The following ZNF274 variants were observed in gnomAD, a reference collection of about 807,000 sequenced individuals.
The protein encoded by ZNF274 is zinc finger protein 274, also known as neurotrophin receptor-interacting factor homolog.
A neutral mutation model predicts 42.5 loss-of-function variants in ZNF274; 23 were observed. The ratio of observed to expected loss-of-function variants is 0.54; its 90% CI spans 0.39 to 0.77. The LOEUF (loss-of-function observed/expected upper bound fraction) is 0.77. ZNF274 is among the 30% of genes least tolerant of loss of function. The pLI, the probability that ZNF274 is intolerant of heterozygous loss-of-function variation, is 0.00. For synonymous variants in ZNF274, 292 were observed against 305.4 expected (o/e 0.96, Z 0.46); for missense variants, 679 against 806.5 (o/e 0.84, Z 1.91).
At position 58,212,684 on chromosome 19, in the gene ZNF274, C is replaced by A; in HGVS notation, c.1503C>A (p.His501Gln). Residue 501 changes from histidine (H) to glutamine (Q), a missense_variant, in exon 8 of 8, where the codon CAC becomes CAA. Transcript: ENST00000617501. This position sits in a 1 kb window ranked among gnomAD's most constrained non-coding sequence, Gnocchi z 4.6. The stretch of plus-strand genomic sequence containing the variant: ...AACAGATTACGTTTATAAGAATTCA[C>A]AAGGGGAGCCAAGTTTGCCGATGCA... Reference protein sequence around the residue: ...STKQITFIRIHKGSQVCRCSE... With the variant: ...STKQITFIRIQKGSQVCRCSE... 6.2e-7 allele frequency: 1 copy of A among 1,614,004 alleles called. No homozygotes were observed. The highest frequency in any genetic ancestry group is 2.2e-5 in the East Asian group (1 of 44,888).
chr19:58,185,661 T>G (rs2075688988), intron 2 of ZNF274, 51 bp from the exon 3 acceptor site: 9 of 1,383,508 alleles, frequency 6.5e-6, no homozygotes, highest in Non-Finnish European at 8.5e-6. Flanking sequence ...CTGTCTTTCT[T>G]TTGTCGTGGA....
chr19:58,184,286 G>C (rs1600127115), intron 2 of ZNF274: 1 of 211,706 alleles, frequency 4.7e-6, no homozygotes, highest in Non-Finnish European at 1.0e-5. Context: ...CAGGTCTTTT[G>C]TTTGTTTGTT....
At chr19:58,201,204 G>A (rs1161540687) in intron 4 of ZNF274, among the ~76,000 whole-genome samples, 1 of 145,504 alleles carries the variant, frequency 6.9e-6, no homozygotes, top group Non-Finnish European at 1.5e-5. Context: ...TGGAGATGGG[G>A]TTTTGCCATG....
At chr19:58,186,368 A>G (rs144935009) in intron 3 of ZNF274, among the ~76,000 whole-genome samples, 99 of 151,886 alleles carry the variant, frequency 6.5e-4, no homozygotes, top group African/African-American at 2.3e-3. Context: ...CCTGACCAAC[A>G]TGATGAAACC....
At chr19:58,202,954 G>T (rs547483072) in intron 4 of ZNF274, among the ~76,000 whole-genome samples, 90 of 152,254 alleles carry the variant, frequency 5.9e-4, no homozygotes, top group African/African-American at 2.0e-3. Context: ...TAATAATAAA[G>T]ATTAAAGCAG....
At position 58,211,624 on chromosome 19, in the gene ZNF274, C is replaced by T. The variant is rs748309210; in HGVS notation, c.917C>T (p.Pro306Leu). ...CGGGAGGAGTGGGGGCTGCTGGGCCCGACACAGAGGACCGAGTACCGCGAT... is the reference window on the plus strand; with the variant it reads ...CGGGAGGAGTGGGGGCTGCTGGGCCTGACACAGAGGACCGAGTACCGCGAT... ...FSREEWGLLG[P>L]TQRTEYRDVM... Residue 306 changes from proline (P) to leucine (L), a missense_variant, in exon 7 of 8, where the codon CCG (proline) becomes CTG (leucine). Pro to Leu is a moderately conservative substitution (Grantham distance 98). Transcript: ENST00000617501. The surrounding 1 kb of genome is among the most constrained non-coding windows in gnomAD (Gnocchi z 4.8). The T allele has an allele frequency of 4.4e-5, 71 of 1,613,428 alleles. No individual in the cohort carries two copies. The highest frequency in any genetic ancestry group is 6.7e-5 in the African/African-American group (5 of 74,840).
At chr19:58,190,287 A>G (rs1040927989) in intron 4 of ZNF274, among the ~76,000 whole-genome samples, 6 of 151,668 alleles carry the variant, frequency 4.0e-5, no homozygotes, top group Admixed American at 1.3e-4. Context: ...AGCTGGGACT[A>G]CAGGCATGTG....
At chr19:58,206,616 A>G (rs2075980770) in intron 4 of ZNF274, 104 bp from the exon 5 acceptor site, 16 of 1,347,428 alleles carry the variant, frequency 1.2e-5, no homozygotes, top group Non-Finnish European at 1.6e-5. Context: ...GGTTTGAAGC[A>G]TATTCCACTG....
At chr19:58,204,294 T>C (rs1436392146) in intron 4 of ZNF274, among the ~76,000 whole-genome samples, 1 of 151,994 alleles carries the variant, frequency 6.6e-6, no homozygotes, top group African/African-American at 2.4e-5. Flanking sequence ...CGGAGGCTGC[T>C]GGGAGCTGTA....
chr19:58,188,884 CAA>C (rs11287051), intron 4 of ZNF274, among the ~76,000 whole-genome samples: 24 of 143,372 alleles, frequency 1.7e-4, no homozygotes, highest in African/African-American at 1.5e-4. Flanking sequence ...GACCCTGTCT[CAA>C]AAAAAAAAAA....
At chr19:58,192,764 G>A (rs2146205927) in intron 4 of ZNF274, among the ~76,000 whole-genome samples, 1 of 152,188 alleles carries the variant, frequency 6.6e-6, no homozygotes, top group East Asian at 1.9e-4. Context: ...TTTTTGAGTT[G>A]AGGTCTCACT....
rs529349000 is a variant in ZNF274, at chr19:58,204,913, G to A, written c.257-1807G>A. 1.1e-4 allele frequency among the ~76,000 whole-genome samples: 17 copies of A among 152,308 alleles called. No homozygotes were observed. The South Asian group carries it at 3.3e-3, about 30-fold the overall frequency. ...CTGTAGAGAGAGTCAAAGGCAGGTA[G>A]GGAGTGAGAAGACGTGCATTCATAA... On this transcript the variant is annotated intron_variant, in intron 4 of 7. Transcript: ENST00000617501.
rs534118405 is a variant in ZNF274 at position 58,207,710 on chromosome 19, G to A, written c.739+508G>A. On this transcript the variant is annotated intron_variant, in intron 5 of 7. Coordinates refer to ENST00000617501, the MANE Select transcript of ZNF274 (RefSeq NM_133502.3). This position sits in a 1 kb window ranked among gnomAD's most constrained non-coding sequence, Gnocchi z 5.6. ...GCAGAGGGGAGCACTGCCTGTAAGG[G>A]CCAAGATGGAAGGGATCACAGTAAA... Among the ~76,000 whole-genome samples, 1 of 152,284 alleles carries A rather than the reference G, an allele frequency of 6.6e-6. No homozygotes were observed. Among genetic ancestry groups the A allele is most frequent in the Non-Finnish European group, 1.5e-5 (1 of 68,034 alleles).
chr19:58,209,730 C>T, intron 5 of ZNF274: 1 of 440,216 alleles, frequency 2.3e-6, no homozygotes, highest in Non-Finnish European at 4.2e-6. Context: ...ACACTGGTGC[C>T]CTGTGACCCT....
chr19:58,209,940 C>T, intron 5 of ZNF274, 21 bp from the exon 6 acceptor site: 3 of 1,596,252 alleles, frequency 1.9e-6, no homozygotes, highest in Non-Finnish European at 1.7e-6. Context: ...CTGACCTCCT[C>T]TGGCTGGTGT....
At position 58,213,182 on chromosome 19, in the gene ZNF274, G is replaced by T; in HGVS notation, c.*39G>T. On this transcript the variant is annotated 3_prime_UTR_variant, in exon 8 of 8. Transcript: ENST00000617501. ...TGAAGAAACCTTGCCTTTTCAGCTT[G>T]ACCCTGCAATATAACATGCACAGGC... 6.4e-7 allele frequency: 1 copy of T among 1,568,932 alleles called. No homozygotes were observed. The highest frequency in any genetic ancestry group is 1.7e-4 in the Middle Eastern group (1 of 5,820).
chr19:58,201,261 C>A (rs1218331170), intron 4 of ZNF274, among the ~76,000 whole-genome samples: 1 of 150,720 alleles, frequency 6.6e-6, no homozygotes, highest in Non-Finnish European at 1.5e-5. Flanking sequence ...AACCACCTAC[C>A]TCAGCCTCCC....
rs770646344 is a variant in ZNF274, at chr19:58,211,640, G to A, written c.933G>A (p.Glu311=). The change falls in exon 7 of 8, where the codon GAG becomes GAA. Residue 311 remains glutamate (E), a synonymous_variant. Transcript: ENST00000617501. This position sits in a 1 kb window ranked among gnomAD's most constrained non-coding sequence, Gnocchi z 4.8. ...TGCTGGGCCCGACACAGAGGACCGA[G>A]TACCGCGATGTGATGCTGGAGACCT... The part of the protein sequence containing the change: ...WGLLGPTQRT[E]YRDVMLETFG... 1.2e-6 allele frequency: 2 copies of A among 1,613,908 alleles called. No individual in the cohort carries two copies. Among genetic ancestry groups the A allele is most frequent in the Non-Finnish European group, 8.5e-7 (1 of 1,179,844 alleles).
In ZNF274 at chr19:58,212,829, C is replaced by T. The variant is rs1470443041; in HGVS notation, c.1648C>T (p.Leu550Phe). The T allele has an allele frequency of 6.2e-7, 1 of 1,614,020 alleles. No homozygotes were observed. Among genetic ancestry groups the T allele is most frequent in the Non-Finnish European group, 8.5e-7 (1 of 1,179,916 alleles). Residue 550 changes from leucine to phenylalanine, a missense_variant, in exon 8 of 8, where the codon CTC becomes TTC. By Grantham distance (22) the Leu-to-Phe change is conservative. Coordinates refer to ENST00000617501, the MANE Select transcript of ZNF274 (RefSeq NM_133502.3). This position sits in a 1 kb window ranked among gnomAD's most constrained non-coding sequence, Gnocchi z 4.6. ...CGKGFVQSSS[L>F]TQHQRVHSGE... ...GAAAGGATTTGTTCAGAGCTCTTCCCTCACACAGCATCAGAGAGTTCATTC... is the reference window on the plus strand; with the variant it reads ...GAAAGGATTTGTTCAGAGCTCTTCCTTCACACAGCATCAGAGAGTTCATTC...
Sources: gnomAD v4.1 joint callset for allele counts (sites outside exome capture counted in the v4.1 genomes callset) on GRCh38, gnomAD v4.1.1 for gene constraint, Gnocchi (gnomAD v3.1) non-coding constraint, MANE v1.5 for transcripts, NCBI Gene and HGNC (gene_info 2026-07-23, HGNC 2026-07-21) for gene names.